Variants in MMP26 observed in about 807,000 individuals in gnomAD.
MMP26 encodes matrix metalloproteinase-26.
MMP26 carries 33 observed loss-of-function variants against 31.0 expected under a neutral mutation model. The ratio of observed to expected loss-of-function variants is 1.06; its 90% CI spans 0.81 to 1.42. The LOEUF (loss-of-function observed/expected upper bound fraction) is 1.42, where lower values mean the gene tolerates loss of function less well. Ranked by LOEUF, MMP26 falls within the 40% of genes most tolerant of loss-of-function variation. The pLI is 0.00. For synonymous variants in MMP26, 122 were observed against 114.9 expected (o/e 1.06, Z -0.40); for missense variants, 347 against 316.1 (o/e 1.10, Z -0.74).
At chr11:4,882,657 T>A (rs1313069250) in intron 2 of MMP26, 1 of 1,613,950 alleles carries the variant, frequency 6.2e-7, no homozygotes, top group South Asian at 1.1e-5. Context: ...GTCACTATTT[T>A]CTATGTGCCA....
chr11:4,934,317 A>C (rs1589943758), intron 2 of MMP26, among the ~76,000 whole-genome samples: 1 of 147,516 alleles, frequency 6.8e-6, no homozygotes, highest in Admixed American at 6.7e-5. Flanking sequence ...AATTTCTCTG[A>C]TGGCCAGTGA....
chr11:4,967,408 C>T (rs901784709), intron 2 of MMP26, among the ~76,000 whole-genome samples: 1 of 152,160 alleles, frequency 6.6e-6, no homozygotes, highest in Non-Finnish European at 1.5e-5. Context: ...TCATAAGAAT[C>T]TCAAATTTGA....
At chr11:4,725,380 T>C (rs910431287) in intron 1 of MMP26, among the ~76,000 whole-genome samples, 3 of 152,262 alleles carry the variant, frequency 2.0e-5, no homozygotes, top group South Asian at 2.1e-4. Flanking sequence ...AACAGTCTTC[T>C]TGGCATCTTA....
intron 1 of MMP26, among the ~76,000 whole-genome samples, chr11:4,727,612 C>T (rs1048113380): frequency 6.6e-6 from 1 of 152,086 alleles, no homozygotes; most frequent in African/African-American, 2.4e-5. Flanking sequence ...GAGTTCGAGA[C>T]CAGCCTGGTC....
At chr11:4,900,046 G>T (rs1000456170) in intron 2 of MMP26, among the ~76,000 whole-genome samples, 1 of 152,062 alleles carries the variant, frequency 6.6e-6, no homozygotes, top group Non-Finnish European at 1.5e-5. Flanking sequence ...CGCATCTGGG[G>T]TATGTTGTCT....
chr11:4,723,271 A>G (rs763961980), intron 1 of MMP26: 300 of 1,093,980 alleles, frequency 2.7e-4, no homozygotes, highest in Non-Finnish European at 3.7e-4. Flanking sequence ...TGCAGATCTC[A>G]GTCTTGTGCG....
intron 2 of MMP26, among the ~76,000 whole-genome samples, chr11:4,970,211 A>G (rs1440227478): frequency 6.6e-6 from 1 of 152,216 alleles, no homozygotes; most frequent in African/African-American, 2.4e-5. Context: ...TCCAAACAGT[A>G]TTTTTGACAA....
chr11:4,724,352 C>T (rs1848067927), intron 1 of MMP26, among the ~76,000 whole-genome samples: 1 of 152,176 alleles, frequency 6.6e-6, no homozygotes, highest in African/African-American at 2.4e-5. Context: ...GGACTTGTGA[C>T]CTCCTGGTTA....
chr11:4,845,959 G>GAT (rs1564792525), intron 2 of MMP26, among the ~76,000 whole-genome samples: 1 of 152,156 alleles, frequency 6.6e-6, no homozygotes, highest in African/African-American at 2.4e-5. Flanking sequence ...AGGTGGGAAT[G>GAT]TAAGTAAGTA....
chr11:4,931,432 G>T lies in MMP26; in HGVS notation c.-144-56636G>T, dbSNP rs138136816. On this transcript the variant is annotated intron_variant, in intron 2 of 7. Transcript: ENST00000380390. Reference sequence around the variant, plus strand: ...GGCTGGAGAGTAAGCAGAAGAAGAGGAACAAAGAGCCAAAAACAAAAGACA... The same window carrying T: ...GGCTGGAGAGTAAGCAGAAGAAGAGTAACAAAGAGCCAAAAACAAAAGACA... Among the ~76,000 whole-genome samples the T allele has an allele frequency of 3.8e-3, 569 of 151,650 alleles. 1 individual carries two copies. Among genetic ancestry groups the T allele is most frequent in the Non-Finnish European group, 6.8e-3 (463 of 67,878 alleles).
chr11:4,916,652 A>G (rs1851097683), intron 2 of MMP26, among the ~76,000 whole-genome samples: 1 of 152,122 alleles, frequency 6.6e-6, no homozygotes, highest in Non-Finnish European at 1.5e-5. Context: ...GCCTTGTCCA[A>G]GTAGCTCATA....
intron 2 of MMP26, chr11:4,769,794 A>G: frequency 6.2e-7 from 1 of 1,613,548 alleles, no homozygotes; most frequent in South Asian, 1.1e-5. Context: ...CTGTTCCCAG[A>G]GAGGGCAATG....
At chr11:4,968,507 T>A (rs1846625067) in intron 2 of MMP26, among the ~76,000 whole-genome samples, 1 of 134,292 alleles carries the variant, frequency 7.4e-6, no homozygotes, top group African/African-American at 2.9e-5. Context: ...ATTTTAAAAG[T>A]GTGAAGACTT....
chr11:4,805,603 C>A (rs1407382581), intron 2 of MMP26, among the ~76,000 whole-genome samples: 1 of 152,208 alleles, frequency 6.6e-6, no homozygotes, highest in African/African-American at 2.4e-5. Context: ...TCTCTAGCAT[C>A]TCTGTGCTTG....
At chr11:4,927,125 G>C (rs904645605) in intron 2 of MMP26, among the ~76,000 whole-genome samples, 3 of 152,102 alleles carry the variant, frequency 2.0e-5, no homozygotes, top group Non-Finnish European at 4.4e-5. Flanking sequence ...GAAAAGAGGT[G>C]GGCCGGGCAA....
chr11:4,907,470 T>G (rs567574105), intron 2 of MMP26: 4 of 1,613,974 alleles, frequency 2.5e-6, no homozygotes, highest in Non-Finnish European at 3.4e-6. Context: ...ATTTGCCTCA[T>G]GTACCTGCTT....
At chr11:4,890,977 C>CAGAAGAAGA (rs1307126681) in intron 2 of MMP26, among the ~76,000 whole-genome samples, 1 of 83,628 alleles carries the variant, frequency 1.2e-5, no homozygotes, top group Non-Finnish European at 2.5e-5. Context: ...GGAATGAACT[C>CAGAAGAAGA]AGAATAATAA....
intron 2 of MMP26, among the ~76,000 whole-genome samples, chr11:4,771,757 C>T (rs187761915): frequency 3.7e-4 from 56 of 152,198 alleles, no homozygotes; most frequent in African/African-American, 1.3e-3. Context: ...TATTTTAAAT[C>T]TCCAGTTGTC....
chr11:4,828,379 A>T (rs557703115), intron 2 of MMP26, among the ~76,000 whole-genome samples: 16 of 152,318 alleles, frequency 1.1e-4, no homozygotes, highest in African/African-American at 3.4e-4. Flanking sequence ...AATAAAAGCA[A>T]TGCATCTATT....
Sources: allele counts gnomAD v4.1 joint callset (sites outside exome capture counted in the v4.1 genomes callset), GRCh38; gene constraint gnomAD v4.1.1; transcripts MANE v1.5; gene names NCBI Gene and HGNC (gene_info 2026-07-23, HGNC 2026-07-21).